ZFAND3: variants seen among roughly 807,000 people sequenced by gnomAD.
ZFAND3 encodes zinc finger AN1-type containing 3.
Under a neutral mutation model 29.6 loss-of-function variants are expected in ZFAND3, and 10 were observed. The observed-to-expected ratio is 0.34, with a 90% CI of 0.21 to 0.57. The LOEUF is 0.57. ZFAND3 is among the 20% of genes least tolerant of loss of function. The pLI, the probability that ZFAND3 is intolerant of heterozygous loss-of-function variation, is 0.86. For missense variants in ZFAND3, 230 were observed against 304.5 expected (o/e 0.76, Z 1.82); for synonymous variants, 128 against 112.6 (o/e 1.14, Z -0.87).
At chr6:37,914,672 C>CTTTTTTTTTTTTTTTTTTTT (rs71542148) in intron 1 of ZFAND3, among the ~76,000 whole-genome samples, 7 of 114,226 alleles carry the variant, frequency 6.1e-5, no homozygotes, top group African/African-American at 7.1e-5. Flanking sequence ...CTTTTTTTTT[C>CTTTTTTTTTTTTTTTTTTTT]TTTTTTTTTT....
intron 3 of ZFAND3, among the ~76,000 whole-genome samples, chr6:38,070,081 T>C (rs973895930): frequency 6.6e-6 from 1 of 152,228 alleles, no homozygotes; most frequent in Non-Finnish European, 1.5e-5. Context: ...CGCTGTTTAT[T>C]CATTATGGGT....
chr6:37,950,960 G>A (rs950445987), intron 2 of ZFAND3, among the ~76,000 whole-genome samples: 3 of 152,190 alleles, frequency 2.0e-5, no homozygotes, highest in African/African-American at 7.2e-5. Context: ...GCCTCGGGCC[G>A]TATGGCCATT....
intron 3 of ZFAND3, among the ~76,000 whole-genome samples, chr6:38,065,067 C>G (rs941693844): frequency 2.0e-5 from 3 of 152,082 alleles, no homozygotes; most frequent in Non-Finnish European, 2.9e-5. Context: ...GCCTGTAATC[C>G]CAGCATTTTG....
intron 2 of ZFAND3, among the ~76,000 whole-genome samples, chr6:37,962,976 A>G (rs1762225539): frequency 6.6e-6 from 1 of 152,164 alleles, no homozygotes; most frequent in Non-Finnish European, 1.5e-5. Flanking sequence ...ATCTACATGT[A>G]ACGCTCACTG....
At chr6:38,145,772 C>T (rs938003452) in intron 5 of ZFAND3, among the ~76,000 whole-genome samples, 4 of 152,156 alleles carry the variant, frequency 2.6e-5, no homozygotes, top group African/African-American at 4.8e-5. Context: ...TCATTAGGGC[C>T]ATAGGCCCCA....
Position 38,139,544 on chromosome 6 carries a change from T to G in ZFAND3, c.530-12691T>G, listed in dbSNP as rs536304300. On this transcript the variant is annotated intron_variant, in intron 5 of 5. Coordinates refer to ENST00000287218, the MANE Select transcript of ZFAND3 (RefSeq NM_021943.3). ...AAGCTAAGGCCTGAGTAAGCAAGAA[T>G]TTCCTTTGGAAGTCAGTGTGTCTGG... Among the ~76,000 whole-genome samples the G allele has an allele frequency of 2.6e-5, 4 of 152,280 alleles. 1 individual carries two copies. The East Asian group carries it at 7.7e-4, about 29-fold the overall frequency.
At chr6:38,140,996 C>G (rs1765942624) in intron 5 of ZFAND3, among the ~76,000 whole-genome samples, 1 of 146,190 alleles carries the variant, frequency 6.8e-6, no homozygotes, top group Non-Finnish European at 1.5e-5. Flanking sequence ...CCCACCCACA[C>G]CACACAGTCT....
intron 4 of ZFAND3, among the ~76,000 whole-genome samples, chr6:38,096,278 T>G (rs945182965): frequency 1.3e-5 from 2 of 151,700 alleles, no homozygotes; most frequent in Non-Finnish European, 2.9e-5. Flanking sequence ...GTTTAAGCGA[T>G]TCTCCTGCCT....
At chr6:38,005,978 C>T (rs892861508) in intron 2 of ZFAND3, among the ~76,000 whole-genome samples, 8 of 152,236 alleles carry the variant, frequency 5.3e-5, no homozygotes, top group African/African-American at 1.2e-4. Context: ...CCAGAGAAGT[C>T]GTCTCATGGT....
chr6:37,843,219 C>CTCAT (rs1483666185), intron 1 of ZFAND3, among the ~76,000 whole-genome samples: 2 of 151,858 alleles, frequency 1.3e-5, no homozygotes, highest in Non-Finnish European at 2.9e-5. Flanking sequence ...AGTGTGGTAG[C>CTCAT]TCATGCCTGT....
At chr6:38,132,818 C>T (rs1657600805) in intron 5 of ZFAND3, among the ~76,000 whole-genome samples, 1 of 152,190 alleles carries the variant, frequency 6.6e-6, no homozygotes, top group Admixed American at 6.5e-5. Context: ...GCTTCCTCTA[C>T]CCAGCTTAAA....
intron 2 of ZFAND3, among the ~76,000 whole-genome samples, chr6:38,042,555 C>T (rs1449379059): frequency 7.2e-5 from 11 of 151,832 alleles, no homozygotes; most frequent in African/African-American, 2.2e-4. Flanking sequence ...CTCAAGTGAT[C>T]CACCTGCCTC....
In ZFAND3 at chr6:37,906,379, A is replaced by G. The variant is rs1765407969; in HGVS notation, c.72-23580A>G. Among the ~76,000 whole-genome samples the G allele has an allele frequency of 2.0e-5, 3 of 152,142 alleles. No individual in the cohort carries two copies. In the South Asian group the frequency reaches 6.2e-4, roughly 31 times the overall value. On this transcript the variant is annotated intron_variant, in intron 1 of 5. Transcript: ENST00000287218. ...ACTGCATAACTTCCATTTTTTTTAAATGACCGAATAACATTCCATTGTATG... is the reference window on the plus strand; with the variant it reads ...ACTGCATAACTTCCATTTTTTTTAAGTGACCGAATAACATTCCATTGTATG...
chr6:38,094,870 A>G (rs1359375440), intron 4 of ZFAND3, among the ~76,000 whole-genome samples: 1 of 152,186 alleles, frequency 6.6e-6, no homozygotes, highest in Non-Finnish European at 1.5e-5. Flanking sequence ...TTTGCATTAT[A>G]CTTACTGGTT....
At chr6:37,928,373 A>G (rs957727541) in intron 1 of ZFAND3, among the ~76,000 whole-genome samples, 1 of 152,108 alleles carries the variant, frequency 6.6e-6, no homozygotes, top group African/African-American at 2.4e-5. Flanking sequence ...GTTGCTGAGG[A>G]ATGAAGTTTT....
At chr6:37,843,696 C>A (rs1764122324) in intron 1 of ZFAND3, among the ~76,000 whole-genome samples, 1 of 152,058 alleles carries the variant, frequency 6.6e-6, no homozygotes, top group Admixed American at 6.5e-5. Flanking sequence ...GCATTTTCCT[C>A]ACTAAAAAAC....
intron 1 of ZFAND3, among the ~76,000 whole-genome samples, chr6:37,911,651 C>T (rs1324053317): frequency 6.6e-6 from 1 of 152,124 alleles, no homozygotes; most frequent in Non-Finnish European, 1.5e-5. Context: ...AGAAATAATG[C>T]ATCCTTTTTG....
At chr6:37,821,448 A>C (rs1394947670) in intron 1 of ZFAND3, among the ~76,000 whole-genome samples, 3 of 152,348 alleles carry the variant, frequency 2.0e-5, no homozygotes, top group Non-Finnish European at 2.9e-5. Flanking sequence ...TGGACTGTCT[A>C]ATTCCCACAA....
intron 2 of ZFAND3, among the ~76,000 whole-genome samples, chr6:37,999,942 C>G (rs1038805453): frequency 6.6e-6 from 1 of 152,070 alleles, no homozygotes; most frequent in Admixed American, 6.5e-5. Flanking sequence ...TATGGGAATT[C>G]TCTGTACTAT....
Sources: gnomAD v4.1 joint callset for allele counts (sites outside exome capture counted in the v4.1 genomes callset) on GRCh38, gnomAD v4.1.1 for gene constraint, MANE v1.5 for transcripts, NCBI Gene and HGNC (gene_info 2026-07-23, HGNC 2026-07-21) for gene names.